The following DNAH8 variants were observed in gnomAD, a reference collection of about 807,000 sequenced individuals.
The protein encoded by DNAH8 is axonemal beta dynein heavy chain 8.
In DNAH8, 382 loss-of-function variants were observed where a neutral mutation model predicts 562.1. The ratio of observed to expected loss-of-function variants is 0.68; its 90% CI spans 0.63 to 0.74. The LOEUF (loss-of-function observed/expected upper bound fraction) is 0.74, where lower values mean the gene tolerates loss of function less well. Among genes scored for constraint, DNAH8 ranks in the 30% least tolerant of loss-of-function variants. The pLI is 0.00. For synonymous variants in DNAH8, 1,881 were observed against 1,919.4 expected (o/e 0.98, Z 0.52); for missense variants, 5,203 against 5,620.4 (o/e 0.93, Z 2.37).
chr6:38,813,933 C>CT, intron 24 of DNAH8, 121 bp from the exon 25 acceptor site: 1 of 750,152 alleles, frequency 1.3e-6, no homozygotes, highest in Non-Finnish European at 2.4e-6. Flanking sequence ...GTAATATTCT[C>CT]TTTGTGTAAT....
chr6:38,774,897 T>C (rs1158192298), intron 12 of DNAH8, among the ~76,000 whole-genome samples: 1 of 152,152 alleles, frequency 6.6e-6, no homozygotes, highest in Non-Finnish European at 1.5e-5. Flanking sequence ...GATAATGGTT[T>C]TTGGAAGTGT....
intron 82 of DNAH8, among the ~76,000 whole-genome samples, chr6:38,952,033 G>T (rs74536243): frequency 6.6e-6 from 1 of 152,138 alleles, no homozygotes; most frequent in African/African-American, 2.4e-5. Context: ...AGACAGACAC[G>T]TAAACATGTA....
intron 53 of DNAH8, among the ~76,000 whole-genome samples, chr6:38,877,396 A>G (rs1465813004): frequency 1.6e-5 from 2 of 122,618 alleles, no homozygotes; most frequent in South Asian, 2.8e-4. Flanking sequence ...AGTTTAGACA[A>G]TGATGTTTTC....
chr6:38,903,021 A>G (rs1780177157), intron 62 of DNAH8, among the ~76,000 whole-genome samples: 1 of 152,206 alleles, frequency 6.6e-6, no homozygotes, highest in Admixed American at 6.5e-5. Flanking sequence ...AGGTAGATAC[A>G]CAAATATGGA....
chr6:38,993,156 T>C (rs1185878686), intron 88 of DNAH8, among the ~76,000 whole-genome samples: 2 of 152,208 alleles, frequency 1.3e-5, no homozygotes, highest in African/African-American at 2.4e-5. Flanking sequence ...CCATTCCATA[T>C]TGATATCTCC....
rs1278488176 is a variant in DNAH8 at position 38,971,599 on chromosome 6, A to G, written c.12459A>G (p.Arg4153=). 1 of 1,584,638 alleles carries G rather than the reference A, an allele frequency of 6.3e-7. No individual in the cohort carries two copies. Among genetic ancestry groups the G allele is most frequent in the Non-Finnish European group, 8.6e-7 (1 of 1,166,716 alleles). ...ALAKKLKLEC[R]TISMGQGQEV... ...CTTTCTCCTATGTTACAGAATGTAGAACTATCTCAATGGGGCAAGGACAAG... is the reference window on the plus strand; with the variant it reads ...CTTTCTCCTATGTTACAGAATGTAGGACTATCTCAATGGGGCAAGGACAAG... Residue 4153 remains arginine, a synonymous_variant, in exon 83 of 93, where the codon AGA becomes AGG. Transcript: ENST00000327475.
intron 85 of DNAH8, among the ~76,000 whole-genome samples, chr6:38,977,474 G>A (rs917085871): frequency 2.6e-5 from 4 of 151,982 alleles, no homozygotes; most frequent in African/African-American, 9.7e-5. Flanking sequence ...GTGTGTGCCT[G>A]GGCTCGGTTT....
intron 26 of DNAH8, among the ~76,000 whole-genome samples, chr6:38,820,247 A>G (rs565294424): frequency 6.6e-6 from 1 of 152,332 alleles, no homozygotes; most frequent in South Asian, 2.1e-4. Context: ...CATACAGCAG[A>G]ACAGGACAGA....
In DNAH8 at chr6:38,723,184, A is replaced by T; in HGVS notation, c.375A>T (p.Thr125=). Residue 125 remains threonine (T), a synonymous_variant, in exon 2 of 93, where the codon ACA becomes ACT. Coordinates refer to ENST00000327475, the MANE Select transcript of DNAH8 (RefSeq NM_001206927.2). ...SMSGLPNLQE[T]LKERQARFRE... ...GTGGCCTTCCCAATCTACAGGAAAC[A>T]TTAAAAGAGAGACAGGTTTGCTTCT... 2 of 1,608,498 alleles carry T rather than the reference A, an allele frequency of 1.2e-6. No individual in the cohort carries two copies. Among genetic ancestry groups the T allele is most frequent in the South Asian group, 2.2e-5 (2 of 90,254 alleles).
At chr6:38,820,535 T>C (rs1437693398) in intron 26 of DNAH8, among the ~76,000 whole-genome samples, 1 of 152,146 alleles carries the variant, frequency 6.6e-6, no homozygotes, top group Non-Finnish European at 1.5e-5. Flanking sequence ...GCTCAAACCA[T>C]AGAAGAAAAG....
chr6:38,944,871 A>G (rs1190566921), intron 79 of DNAH8, among the ~76,000 whole-genome samples: 5 of 152,076 alleles, frequency 3.3e-5, no homozygotes, highest in African/African-American at 1.2e-4. Context: ...TAGATCTATT[A>G]TATCATTTCC....
At chr6:39,022,893 C>T (rs1253862285) in intron 91 of DNAH8, among the ~76,000 whole-genome samples, 3 of 152,180 alleles carry the variant, frequency 2.0e-5, no homozygotes, top group Non-Finnish European at 4.4e-5. Context: ...ATACATATTT[C>T]AAACTTGTGA....
At chr6:38,716,334 C>T (rs1445606050) in intron 1 of DNAH8, among the ~76,000 whole-genome samples, 3 of 151,870 alleles carry the variant, frequency 2.0e-5, no homozygotes, top group Middle Eastern at 3.2e-3. Flanking sequence ...ATTTCCCGTT[C>T]CTCTACCCTT....
chr6:38,765,016 G>A (rs1193699995), intron 11 of DNAH8, among the ~76,000 whole-genome samples: 1 of 152,076 alleles, frequency 6.6e-6, no homozygotes, highest in Admixed American at 6.6e-5. Context: ...TGTATTTTCA[G>A]TAGAGACAAG....
intron 9 of DNAH8, among the ~76,000 whole-genome samples, chr6:38,751,175 GTCT>G (rs1562648129): frequency 6.6e-6 from 1 of 152,288 alleles, no homozygotes; most frequent in Non-Finnish European, 1.5e-5. Flanking sequence ...ACTGGGGAGA[GTCT>G]TCTTCTCAGT....
At chr6:38,834,942 A>C (rs1360445380) in intron 32 of DNAH8, among the ~76,000 whole-genome samples, 1 of 152,160 alleles carries the variant, frequency 6.6e-6, no homozygotes, top group Non-Finnish European at 1.5e-5. Context: ...AGTATAGTAA[A>C]ATTTATCAAA....
At chr6:38,748,847 T>TG (rs1269239136) in intron 8 of DNAH8, among the ~76,000 whole-genome samples, 1 of 151,530 alleles carries the variant, frequency 6.6e-6, no homozygotes, top group African/African-American at 2.4e-5. Context: ...GGAGAGAAAT[T>TG]GATCAACTTT....
chr6:38,730,718 C>A (rs1429917395), intron 4 of DNAH8, among the ~76,000 whole-genome samples: 1 of 152,206 alleles, frequency 6.6e-6, no homozygotes, highest in African/African-American at 2.4e-5. Flanking sequence ...GTCCACATCT[C>A]ATTTATTCAA....
intron 44 of DNAH8, among the ~76,000 whole-genome samples, chr6:38,863,056 T>C (rs1175253487): frequency 6.6e-6 from 1 of 152,208 alleles, no homozygotes; most frequent in African/African-American, 2.4e-5. Flanking sequence ...TAGCTCGGAC[T>C]TCTTGAAACT....
Sources: allele counts gnomAD v4.1 joint callset (sites outside exome capture counted in the v4.1 genomes callset), GRCh38; gene constraint gnomAD v4.1.1; transcripts MANE v1.5; gene names NCBI Gene and HGNC (gene_info 2026-07-23, HGNC 2026-07-21).